The following COA7 variants were observed in gnomAD, a reference collection of about 807,000 sequenced individuals.
COA7 encodes the protein Sel1 repeat containing 1.
Under a neutral mutation model 21.0 loss-of-function variants are expected in COA7, and 12 were observed. The observed-to-expected ratio is 0.57, with a 90% CI of 0.37 to 0.92. The LOEUF (loss-of-function observed/expected upper bound fraction) is 0.92, where lower values mean the gene tolerates loss of function less well. COA7 is among the 40% of genes least tolerant of loss of function. The probability of loss-of-function intolerance (pLI) is 0.01; values close to 1 mark genes in which losing one functional copy is unlikely to be tolerated. For missense variants in COA7, 240 were observed against 286.1 expected (o/e 0.84, Z 1.16); for synonymous variants, 95 against 107.4 (o/e 0.88, Z 0.72).
chr1:52,695,728 A>T (rs932660285), intron 1 of COA7, among the ~76,000 whole-genome samples: 1 of 152,222 alleles, frequency 6.6e-6, no homozygotes, highest in Middle Eastern at 3.2e-3. Flanking sequence ...ACAGGTTAGA[A>T]GGCGACTTCA....
At chr1:52,690,563 A>G (rs1644038041) in intron 2 of COA7, among the ~76,000 whole-genome samples, 1 of 152,176 alleles carries the variant, frequency 6.6e-6, no homozygotes, top group East Asian at 1.9e-4. Context: ...CTACAAATTA[A>G]TATTTCTAGC....
intron 2 of COA7, 62 bp from the exon 3 acceptor site, chr1:52,688,230 G>T: frequency 7.3e-7 from 1 of 1,364,124 alleles, no homozygotes; most frequent in Non-Finnish European, 9.9e-7. Context: ...AATGTCTCAG[G>T]CCAAAGTCAG....
intron 1 of COA7, among the ~76,000 whole-genome samples, chr1:52,695,465 A>G (rs148776250): frequency 2.3e-3 from 351 of 152,216 alleles, no homozygotes; most frequent in African/African-American, 8.0e-3. Flanking sequence ...ACCCTGTCTC[A>G]GAAAACAAAC....
rs773962837 is a variant in COA7, at chr1:52,692,716, G to C, written c.247+11C>G. On this transcript the variant is annotated intron_variant, in intron 2 of 2. Coordinates refer to ENST00000371538, the MANE Select transcript of COA7 (RefSeq NM_023077.3). ...TCAATGACAAGGACCCAAAAGGCAG[G>C]CCCTCCTTACCTTTTCCAGTCACAT... 1 of 1,614,028 alleles carries C rather than the reference G, an allele frequency of 6.2e-7. No homozygotes were observed. The highest frequency in any genetic ancestry group is 8.5e-7 in the Non-Finnish European group (1 of 1,179,956).
At chr1:52,692,966 T>C in intron 1 of COA7, 99 bp from the exon 2 acceptor site, 1 of 1,333,930 alleles carries the variant, frequency 7.5e-7, no homozygotes, top group Non-Finnish European at 1.1e-6. Context: ...GGCCAGGTGA[T>C]GTCTTTTAAG....
At chr1:52,688,373 G>C (rs924745202) in intron 2 of COA7, among the ~76,000 whole-genome samples, 7 of 151,986 alleles carry the variant, frequency 4.6e-5, no homozygotes, top group Admixed American at 1.3e-4. Flanking sequence ...TCCCCAAGTA[G>C]CTGGGACTAC....
At chr1:52,692,280 T>G (rs1422738915) in intron 2 of COA7, among the ~76,000 whole-genome samples, 4 of 152,234 alleles carry the variant, frequency 2.6e-5, no homozygotes, top group African/African-American at 9.6e-5. Flanking sequence ...ATTTTGTTAT[T>G]TAGCCATAGA....
chr1:52,697,064 G>A (rs898855502), intron 1 of COA7, among the ~76,000 whole-genome samples: 1 of 151,924 alleles, frequency 6.6e-6, no homozygotes, highest in African/African-American at 2.4e-5. Context: ...AGCTGAGATC[G>A]AGCCATTGTA....
In COA7 at chr1:52,687,818, C is replaced by T; in HGVS notation, c.598G>A (p.Val200Ile). 6.2e-7 allele frequency: 1 copy of T among 1,614,266 alleles called. No homozygotes were observed. ...TCGGCCTTGGCCTCATCCTTATCAA[C>T]ACCATCCCCCAGCTTGTACATGCGA... ...ASRMYKLGDG[V>I]DKDEAKAEVL... The change falls in exon 3 of 3, where the codon GTT (valine) becomes ATT (isoleucine). Residue 200 changes from valine to isoleucine, a missense_variant. By Grantham distance (29) the Val-to-Ile change is conservative (BLOSUM62 3). Coordinates refer to ENST00000371538, the MANE Select transcript of COA7 (RefSeq NM_023077.3).
rs1394724930 is a variant in COA7 at position 52,698,226 on chromosome 1, G to A, written c.101C>T (p.Pro34Leu). Residue 34 changes from proline (P) to leucine (L), a missense_variant, in exon 1 of 3, where the codon CCG (proline) becomes CTG (leucine). Around this residue, in one of 3 missense-constraint regions of COA7, gnomAD observed 71 missense variants for 54.7 expected, o/e 1.30. Coordinates refer to ENST00000371538, the MANE Select transcript of COA7 (RefSeq NM_023077.3). Reference protein sequence around the residue: ...CNYHCYHEKDPDGCYRLVDYL... With the variant: ...CNYHCYHEKDLDGCYRLVDYL... ...GCTGCGCTGGAGCCGCTCACCGTCC[G>A]GGTCCTTCTCGTGGTAGCAGTGGTA... The A allele has an allele frequency of 6.2e-7, 1 of 1,609,150 alleles. No homozygotes were observed. Among genetic ancestry groups the A allele is most frequent in the Non-Finnish European group, 8.5e-7 (1 of 1,177,640 alleles).
chr1:52,692,869 T>C lies in COA7; in HGVS notation c.107-2A>G, dbSNP rs2149904888. The stretch of plus-strand genomic sequence containing the variant: ...AATAGTCCACCAGCCGATAGCAACC[T>C]GCGAGAAGAGGGCAAGGGTTGTTCT... On this transcript the variant is annotated splice_acceptor_variant, in intron 1 of 2. Coordinates refer to ENST00000371538, the MANE Select transcript of COA7 (RefSeq NM_023077.3). LOFTEE classifies it high-confidence loss of function. The C allele has an allele frequency of 1.9e-6, 3 of 1,614,120 alleles. No individual in the cohort carries two copies. The highest frequency in any genetic ancestry group is 2.5e-6 in the Non-Finnish European group (3 of 1,180,010).
Position 52,686,450 on chromosome 1 carries a change from A to AT in COA7, c.*1269dup, listed in dbSNP as rs148162118. 39,398 of 145,172 alleles carry AT rather than the reference A, an allele frequency of 0.27. 6,053 individuals carry two copies. Among genetic ancestry groups the AT allele is most frequent in the Non-Finnish European group, 0.36 (23,982 of 65,990 alleles). The allele number at this position is 145,172 out of a possible 1,614,324, so 9.0% of individuals were successfully genotyped here. On this transcript the variant is annotated 3_prime_UTR_variant, in exon 3 of 3. Coordinates refer to ENST00000371538, the MANE Select transcript of COA7 (RefSeq NM_023077.3). ...GCTGGGGAGACAACAGAAAAAGCAA[A>AT]TTTTTTTTTTTTTTTGAGACGGAGT...
At chr1:52,691,132 C>T (rs1644043535) in intron 2 of COA7, among the ~76,000 whole-genome samples, 1 of 151,512 alleles carries the variant, frequency 6.6e-6, no homozygotes, top group Non-Finnish European at 1.5e-5. Context: ...AAAAAGACAT[C>T]CTTGGCCAGG....
intron 2 of COA7, among the ~76,000 whole-genome samples, chr1:52,690,470 T>A (rs1273376703): frequency 6.6e-6 from 1 of 151,646 alleles, no homozygotes; most frequent in Non-Finnish European, 1.5e-5. Flanking sequence ...AAATGCTACT[T>A]GTAAGTAAAA....
intron 2 of COA7, among the ~76,000 whole-genome samples, chr1:52,690,306 T>C (rs1644036282): frequency 6.6e-6 from 1 of 152,094 alleles, no homozygotes; most frequent in Non-Finnish European, 1.5e-5. Flanking sequence ...ATTTTAACAT[T>C]ATTCTTTTAA....
At chr1:52,688,527 C>T (rs1644023413) in intron 2 of COA7, among the ~76,000 whole-genome samples, 2 of 152,084 alleles carry the variant, frequency 1.3e-5, no homozygotes, top group East Asian at 1.9e-4. Context: ...GAATTACAGG[C>T]GTGAGCCACC....
intron 1 of COA7, among the ~76,000 whole-genome samples, chr1:52,695,819 G>A (rs1644080131): frequency 2.0e-5 from 3 of 152,042 alleles, no homozygotes; most frequent in South Asian, 2.1e-4. Flanking sequence ...CTCAGGTCTC[G>A]TAAAGTGCTG....
intron 1 of COA7, among the ~76,000 whole-genome samples, chr1:52,695,710 A>C (rs1465168346): frequency 4.6e-5 from 7 of 152,192 alleles, no homozygotes; most frequent in Non-Finnish European, 4.4e-5. Flanking sequence ...TAAAGTGCAA[A>C]GAGAGGGACA....
In COA7 at chr1:52,687,763, T is replaced by A. The variant is rs749085751; in HGVS notation, c.653A>T (p.His218Leu). 23 of 1,614,142 alleles carry A rather than the reference T, an allele frequency of 1.4e-5. No homozygotes were observed. The highest frequency in any genetic ancestry group is 1.6e-4 in the Middle Eastern group (1 of 6,084). Residue 218 changes from histidine to leucine, a missense_variant, in exon 3 of 3, where the codon CAC (histidine) becomes CTC (leucine). His to Leu is a moderately conservative substitution (Grantham distance 99). Around this residue, in one of 3 missense-constraint regions of COA7, gnomAD observed 163 missense variants for 214.1 expected, o/e 0.76. Coordinates refer to ENST00000371538, the MANE Select transcript of COA7 (RefSeq NM_023077.3). ...TTGGACACCTTTCTGCTGTTCTTTGTGTAGCTGCTGGGCTCGATTTTTTAG... is the reference window on the plus strand; with the variant it reads ...TTGGACACCTTTCTGCTGTTCTTTGAGTAGCTGCTGGGCTCGATTTTTTAG... ...EVLKNRAQQL[H>L]KEQQKGVQPL...
Sources: gnomAD v4.1 joint callset for allele counts (sites outside exome capture counted in the v4.1 genomes callset) on GRCh38, gnomAD v4.1.1 for gene constraint, gnomAD v4.1.1 regional missense constraint, MANE v1.5 for transcripts, NCBI Gene and HGNC (gene_info 2026-07-23, HGNC 2026-07-21) for gene names.